The following VPS13B variants were observed in gnomAD, a reference collection of about 807,000 sequenced individuals.
VPS13B encodes the protein intermembrane lipid transfer protein VPS13B.
In VPS13B, 285 loss-of-function variants were observed where a neutral mutation model predicts 426.4. The observed-to-expected ratio is 0.67, with a 90% confidence interval of 0.61 to 0.74. The LOEUF (loss-of-function observed/expected upper bound fraction) is 0.74, where lower values mean the gene tolerates loss of function less well. Ranked by LOEUF, VPS13B falls within the 30% of genes least tolerant of loss-of-function variation. The probability of loss-of-function intolerance (pLI) is 0.00; values close to 1 mark genes in which losing one functional copy is unlikely to be tolerated. For synonymous variants in VPS13B, 1,676 were observed against 1,676.4 expected (o/e 1.00, Z 0.01); for missense variants, 4,537 against 4,782.6 (o/e 0.95, Z 1.51).
intron 39 of VPS13B, among the ~76,000 whole-genome samples, chr8:99,738,666 C>T (rs1467247040): frequency 6.6e-6 from 1 of 152,226 alleles, no homozygotes; most frequent in Non-Finnish European, 1.5e-5. Flanking sequence ...ATCTTTATCT[C>T]TCTAAAGTCT....
intron 25 of VPS13B, among the ~76,000 whole-genome samples, chr8:99,495,843 T>C (rs1304431112): frequency 1.3e-5 from 2 of 152,210 alleles, no homozygotes; most frequent in African/African-American, 4.8e-5. Context: ...TCTTAGCTTA[T>C]TAATATTCAG....
intron 17 of VPS13B, chr8:99,232,921 C>G: frequency 1.7e-6 from 1 of 594,544 alleles, no homozygotes; most frequent in South Asian, 2.2e-5. Context: ...TGGCCGCCTC[C>G]GCAGACTTCT....
intron 19 of VPS13B, among the ~76,000 whole-genome samples, chr8:99,288,979 T>C (rs765750188): frequency 4.0e-5 from 6 of 151,736 alleles, no homozygotes; most frequent in Non-Finnish European, 8.8e-5. Flanking sequence ...GAAGGATCAC[T>C]TGAGTCCAGG....
intron 35 of VPS13B, among the ~76,000 whole-genome samples, chr8:99,678,916 A>G (rs1490103163): frequency 6.6e-6 from 1 of 152,044 alleles, no homozygotes; most frequent in Non-Finnish European, 1.5e-5. Flanking sequence ...CAGTTAGTTG[A>G]TGTTGTTTGA....
chr8:99,369,093 C>G (rs913936908), intron 19 of VPS13B, among the ~76,000 whole-genome samples: 48 of 152,104 alleles, frequency 3.2e-4, no homozygotes, highest in Non-Finnish European at 6.0e-4. Flanking sequence ...GCATGTTAAC[C>G]CTACCCTTTC....
At chr8:99,459,364 C>T (rs1017688246) in intron 23 of VPS13B, among the ~76,000 whole-genome samples, 1 of 152,100 alleles carries the variant, frequency 6.6e-6, no homozygotes, top group Non-Finnish European at 1.5e-5. Context: ...TCTATTTTAG[C>T]ATTTAAATTC....
chr8:99,560,432 A>G (rs1482648737), intron 31 of VPS13B, among the ~76,000 whole-genome samples: 4 of 152,154 alleles, frequency 2.6e-5, no homozygotes, highest in South Asian at 2.1e-4. Flanking sequence ...ATCACTTAAC[A>G]TATTTTATTC....
chr8:99,124,243 A>G (rs555178542), intron 8 of VPS13B, among the ~76,000 whole-genome samples: 1 of 152,330 alleles, frequency 6.6e-6, no homozygotes, highest in Non-Finnish European at 1.5e-5. Flanking sequence ...ATTACTGGTG[A>G]TTTTGAGCAG....
chr8:99,139,054 C>G (rs1810242492), intron 12 of VPS13B, among the ~76,000 whole-genome samples: 1 of 152,158 alleles, frequency 6.6e-6, no homozygotes, highest in Admixed American at 6.5e-5. Flanking sequence ...GAATACTATA[C>G]AGTGTTACAG....
rs941223794 is a variant in VPS13B at position 99,057,187 on chromosome 8, A to T, written c.291+18621A>T. Among the ~76,000 whole-genome samples the T allele has an allele frequency of 2.1e-5, 3 of 145,452 alleles. No homozygotes were observed. In the Admixed American group the frequency reaches 2.1e-4, roughly 10 times the overall value. On this transcript the variant is annotated intron_variant, in intron 3 of 61. Coordinates refer to ENST00000357162, the MANE Select transcript of VPS13B (RefSeq NM_152564.5). The stretch of plus-strand genomic sequence containing the variant: ...GACAATAATATCACCCACAAAAAGT[A>T]TTTTTTTTTTTGTTTCCAGTCTGTA...
At chr8:99,096,634 T>C (rs1846437886) in intron 4 of VPS13B, among the ~76,000 whole-genome samples, 1 of 151,690 alleles carries the variant, frequency 6.6e-6, no homozygotes, top group East Asian at 1.9e-4. Flanking sequence ...TGTGCACCTG[T>C]AATCTCAGCT....
intron 56 of VPS13B, among the ~76,000 whole-genome samples, chr8:99,857,905 A>C (rs561200118): frequency 6.6e-6 from 1 of 152,234 alleles, no homozygotes; most frequent in East Asian, 1.9e-4. Flanking sequence ...TTTGCCCTAA[A>C]CCCTAGTGTT....
At chr8:99,752,454 A>G (rs1172031895) in intron 39 of VPS13B, among the ~76,000 whole-genome samples, 1 of 152,176 alleles carries the variant, frequency 6.6e-6, no homozygotes, top group Non-Finnish European at 1.5e-5. Flanking sequence ...TCATTTACAT[A>G]TTGCTTATAT....
chr8:99,474,183 A>ATTTTTTTT (rs34752686), intron 24 of VPS13B, among the ~76,000 whole-genome samples: 6 of 124,968 alleles, frequency 4.8e-5, no homozygotes, highest in African/African-American at 2.0e-4. Context: ...CTGTTATCCA[A>ATTTTTTTT]TTTTTTTTTT....
At chr8:99,796,653 G>A (rs1285206488) in intron 43 of VPS13B, 1 of 152,296 alleles carries the variant, frequency 6.6e-6, no homozygotes, top group East Asian at 1.9e-4. Context: ...GAGTCTGTTG[G>A]TCAGACATCT....
chr8:99,642,578 A>G, intron 34 of VPS13B, 80 bp downstream of exon 34: 1 of 1,294,678 alleles, frequency 7.7e-7, no homozygotes, highest in Admixed American at 2.1e-5. Flanking sequence ...GATTGATTAA[A>G]CAGAAACAGC....
intron 23 of VPS13B, among the ~76,000 whole-genome samples, chr8:99,449,893 C>T (rs947456136): frequency 6.6e-6 from 1 of 152,038 alleles, no homozygotes; most frequent in African/African-American, 2.4e-5. Flanking sequence ...CAACTTCTGC[C>T]TCTTGGGTTC....
At chr8:99,057,693 C>T (rs1367375197) in intron 3 of VPS13B, among the ~76,000 whole-genome samples, 1 of 152,132 alleles carries the variant, frequency 6.6e-6, no homozygotes, top group Non-Finnish European at 1.5e-5. Flanking sequence ...ATGTTCCAAA[C>T]TGAAATCATC....
chr8:99,379,043 C>T (rs571914576), intron 19 of VPS13B, among the ~76,000 whole-genome samples: 1 of 152,336 alleles, frequency 6.6e-6, no homozygotes, highest in South Asian at 2.1e-4. Context: ...GCTCTGCCTA[C>T]TGTCAGATCA....
Sources: gnomAD v4.1 joint callset for allele counts (sites outside exome capture counted in the v4.1 genomes callset) on GRCh38, gnomAD v4.1.1 for gene constraint, MANE v1.5 for transcripts, NCBI Gene and HGNC (gene_info 2026-07-23, HGNC 2026-07-21) for gene names.